Variants in TENM3 observed in about 807,000 individuals in gnomAD.
TENM3 encodes the protein teneurin-3.
In TENM3, 63 loss-of-function variants were observed where a neutral mutation model predicts 255.1. That is an observed-to-expected ratio of 0.25 (90% CI 0.20 to 0.30). The LOEUF is 0.30. Among genes scored for constraint, TENM3 ranks in the 10% least tolerant of loss-of-function variants. The probability of loss-of-function intolerance (pLI) is 1.00; values close to 1 mark genes in which losing one functional copy is unlikely to be tolerated. For missense variants in TENM3, 2,929 were observed against 3,461.1 expected (o/e 0.85, Z 3.86); for synonymous variants, 1,306 against 1,322.3 (o/e 0.99, Z 0.27).
chr4:181,548,104 C>T, the TENM3 span, among the ~76,000 whole-genome samples: 3 of 152,020 alleles, frequency 2.0e-5, no homozygotes, highest in Non-Finnish European at 4.4e-5. Flanking sequence ...ATGATAGTTT[C>T]CAGCTTCATC....
At chr4:182,665,260 A>G (rs767581805) in intron 6 of TENM3, among the ~76,000 whole-genome samples, 2 of 152,224 alleles carry the variant, frequency 1.3e-5, no homozygotes, top group African/African-American at 2.4e-5. Context: ...AAATGGAACA[A>G]CAAAGCCTGG....
At chr4:182,009,948 G>T in the TENM3 span, among the ~76,000 whole-genome samples, 36 of 152,254 alleles carry the variant, frequency 2.4e-4, no homozygotes, top group South Asian at 1.0e-3. Context: ...GGGGGAGGGG[G>T]TTCCCCTTTC....
At chr4:181,687,781 C>T in the TENM3 span, among the ~76,000 whole-genome samples, 1 of 152,048 alleles carries the variant, frequency 6.6e-6, no homozygotes, top group East Asian at 1.9e-4. Flanking sequence ...CCTGGTCAGC[C>T]CAAGACAGCC....
chr4:182,172,822 T>C (rs1752198093), intron 1 of TENM3, among the ~76,000 whole-genome samples: 1 of 152,214 alleles, frequency 6.6e-6, no homozygotes, highest in African/African-American at 2.4e-5. Context: ...AGATCTTGTA[T>C]TAAAATATAC....
chr4:182,207,841 A>G (rs79333739), intron 1 of TENM3, among the ~76,000 whole-genome samples: 2,253 of 152,316 alleles, frequency 0.015, 30 homozygotes, highest in Middle Eastern at 0.041. Flanking sequence ...ATTGTGTTCT[A>G]CCAAAGCTCT....
At chr4:182,294,395 T>C (rs981605193) in intron 1 of TENM3, among the ~76,000 whole-genome samples, 2 of 151,710 alleles carry the variant, frequency 1.3e-5, no homozygotes, top group East Asian at 3.9e-4. Context: ...TTCACCCTGG[T>C]TTTTTTTCAC....
chr4:182,094,381 G>A, the TENM3 span, among the ~76,000 whole-genome samples: 1 of 151,986 alleles, frequency 6.6e-6, no homozygotes, highest in Admixed American at 6.6e-5. Context: ...GAGTAGCTGG[G>A]ATTATAAGCA....
Position 182,417,060 on chromosome 4 carries a change from G to A in TENM3, c.511+70131G>A, listed in dbSNP as rs1260370155. Among the ~76,000 whole-genome samples the A allele has an allele frequency of 2.0e-5, 3 of 151,982 alleles. No homozygotes were observed. The East Asian group carries it at 5.8e-4, about 30-fold the overall frequency. ...GCGATCTCGGCTCACTGCAAGCTCC[G>A]CCTCCCGGGTTCACGCCATTCTCCT... is the stretch of plus-strand genomic sequence containing the variant. On this transcript the variant is annotated intron_variant, in intron 3 of 27. Coordinates refer to ENST00000511685, the MANE Select transcript of TENM3 (RefSeq NM_001080477.4).
the TENM3 span, among the ~76,000 whole-genome samples, chr4:181,450,314 T>A: frequency 1.3e-5 from 2 of 152,218 alleles, no homozygotes; most frequent in African/African-American, 4.8e-5. Context: ...TCTGAGTATT[T>A]GCTCCATATT....
At chr4:182,469,381 G>T (rs1732903201) in intron 3 of TENM3, among the ~76,000 whole-genome samples, 1 of 151,970 alleles carries the variant, frequency 6.6e-6, no homozygotes, top group African/African-American at 2.4e-5. Context: ...GATAGAGAAG[G>T]ACTTAACCAA....
At chr4:181,796,555 GGGACATGA>G in the TENM3 span, among the ~76,000 whole-genome samples, 1 of 152,164 alleles carries the variant, frequency 6.6e-6, no homozygotes, top group East Asian at 1.9e-4. Context: ...GCCAGAGGCA[GGGACATGA>G]GCATGTGCAC....
intron 3 of TENM3, among the ~76,000 whole-genome samples, chr4:182,361,295 G>C (rs1255068790): frequency 6.6e-6 from 1 of 152,162 alleles, no homozygotes; most frequent in African/African-American, 2.4e-5. Flanking sequence ...AGTTCTCCTG[G>C]ATAATGTCCT....
At chr4:182,101,567 T>G in the TENM3 span, among the ~76,000 whole-genome samples, 2 of 152,092 alleles carry the variant, frequency 1.3e-5, no homozygotes, top group East Asian at 1.9e-4. Flanking sequence ...CTTAAAAAGT[T>G]GAACTCATAG....
intron 26 of TENM3, among the ~76,000 whole-genome samples, chr4:182,794,520 C>T (rs538235273): frequency 6.6e-6 from 1 of 152,350 alleles, no homozygotes; most frequent in South Asian, 2.1e-4. Context: ...TTTCTCCCAT[C>T]AGTTGCTTAG....
At chr4:182,764,960 CTG>C (rs1157114500) in intron 22 of TENM3, among the ~76,000 whole-genome samples, 1 of 152,116 alleles carries the variant, frequency 6.6e-6, no homozygotes, top group East Asian at 1.9e-4. Context: ...AACTTGCTGT[CTG>C]AATGTAAGAG....
At chr4:182,003,693 G>A in the TENM3 span, among the ~76,000 whole-genome samples, 1 of 152,024 alleles carries the variant, frequency 6.6e-6, no homozygotes, top group African/African-American at 2.4e-5. Context: ...TCTCACTAAT[G>A]TTTACCAGTC....
At chr4:182,785,018 G>A (rs113479009) in intron 24 of TENM3, among the ~76,000 whole-genome samples, 11 of 152,272 alleles carry the variant, frequency 7.2e-5, no homozygotes, top group South Asian at 4.1e-4. Context: ...CGTCTTCGGC[G>A]TCTCTCATGC....
chr4:182,047,560 C>CAAA, the TENM3 span, among the ~76,000 whole-genome samples: 8,377 of 70,830 alleles, frequency 0.12, 960 homozygotes, highest in Non-Finnish European at 0.14. Context: ...GACTCCATCT[C>CAAA]AAAAAAAAAA....
chr4:182,205,642 G>A (rs902760035), intron 1 of TENM3, among the ~76,000 whole-genome samples: 1 of 152,258 alleles, frequency 6.6e-6, no homozygotes, highest in African/African-American at 2.4e-5. Context: ...CTTCACTTTC[G>A]CTCATTGTGC....
Sources: gnomAD v4.1 joint callset for allele counts (sites outside exome capture counted in the v4.1 genomes callset) on GRCh38, gnomAD v4.1.1 for gene constraint, MANE v1.5 for transcripts, NCBI Gene and HGNC (gene_info 2026-07-23, HGNC 2026-07-21) for gene names.